The following TNK2 variants were observed in gnomAD, a reference collection of about 807,000 sequenced individuals.
The protein encoded by TNK2 is tyrosine kinase non receptor 2, also known as activated CDC42 kinase 1.
A neutral mutation model predicts 101.8 loss-of-function variants in TNK2; 83 were observed. The observed-to-expected ratio is 0.82, with a 90% CI of 0.68 to 0.98. The LOEUF (loss-of-function observed/expected upper bound fraction) is 0.98, where lower values mean the gene tolerates loss of function less well. TNK2 is among the 50% of genes least tolerant of loss of function. The pLI is 0.00. For synonymous variants in TNK2, 804 were observed against 633.0 expected, an observed-to-expected ratio of 1.27 and a Z score of -4.06; for missense variants, 1,665 against 1,483.2, an observed-to-expected ratio of 1.12 and a Z score of -2.01.
intron 15 of TNK2, among the ~76,000 whole-genome samples, chr3:195,866,324 C>A (rs1383915079): frequency 6.6e-6 from 1 of 152,132 alleles, no homozygotes; most frequent in Non-Finnish European, 1.5e-5. Flanking sequence ...CCTCAGCCTC[C>A]CCAGCAGGTG....
intron 12 of TNK2, 109 bp downstream of exon 12, chr3:195,869,388 C>T: frequency 1.9e-6 from 2 of 1,038,962 alleles, no homozygotes; most frequent in African/African-American, 1.6e-5. Flanking sequence ...AGCACACACC[C>T]ACCCACCTCC....
rs1470025096 is a variant in TNK2, at chr3:195,882,340, G to T, written c.610-12C>A. The T allele has an allele frequency of 4.4e-6, 7 of 1,607,900 alleles. No homozygotes were observed. Among genetic ancestry groups the T allele is most frequent in the Non-Finnish European group, 6.0e-6 (7 of 1,175,464 alleles). On this transcript the variant is annotated splice_polypyrimidine_tract_variant and intron_variant, in intron 5 of 15. Transcript: ENST00000672887. This position sits in a 1 kb window ranked among gnomAD's most constrained non-coding sequence, Gnocchi z 4.2. ...GCCAGCTCTGTCACCTGAGGCCACG[G>T]AGGAGGCAGGAGGAATGAGCTGGAG...
chr3:195,884,117 T>C (rs1454408278), intron 4 of TNK2: 1 of 152,152 alleles, frequency 6.6e-6, no homozygotes, highest in African/African-American at 2.4e-5. Flanking sequence ...ACGTTATCCC[T>C]GAGGGGAAAA....
At position 195,868,424 on chromosome 3, in the gene TNK2, C is replaced by T. The variant is rs779440042; in HGVS notation, c.1874G>A (p.Arg625Gln). Reference protein sequence around the residue: ...LDETPPQSPTRALPRPLHPTP... With the variant: ...LDETPPQSPTQALPRPLHPTP... ...GGGGTGCAGGGGCCGGGGCAGTGCC[C>T]GCGTGGGGCTCTGAGGCGGGGTCTC... Residue 625 changes from arginine to glutamine, a missense_variant, in exon 13 of 16, where the codon CGG becomes CAG. By Grantham distance (43) the Arg-to-Gln change is conservative (BLOSUM62 1). Coordinates refer to ENST00000672887, the MANE Select transcript of TNK2 (RefSeq NM_001382273.1). 53 of 1,568,694 alleles carry T rather than the reference C, an allele frequency of 3.4e-5. No individual in the cohort carries two copies. Among genetic ancestry groups the T allele is most frequent in the East Asian group, 3.2e-4 (14 of 44,148 alleles).
chr3:195,888,326 G>A lies in TNK2; in HGVS notation c.163+100C>T, dbSNP rs951988675. The A allele has an allele frequency of 4.5e-6, 6 of 1,324,310 alleles. No homozygotes were observed. The highest frequency in any genetic ancestry group is 1.3e-5 in the South Asian group (1 of 74,666). 82.0% of individuals were successfully genotyped at this position (1,324,310 alleles called of 1,614,324 possible). Reference sequence around the variant, plus strand: ...GTCCCTCCTGCTCCCTCAGGGCTCTGGGACAGAGTTCTCAGCTGCCACCCG... The same window carrying A: ...GTCCCTCCTGCTCCCTCAGGGCTCTAGGACAGAGTTCTCAGCTGCCACCCG... On this transcript the variant is annotated intron_variant, in intron 2 of 15. Coordinates refer to ENST00000672887, the MANE Select transcript of TNK2 (RefSeq NM_001382273.1). The surrounding 1 kb of genome is among the most constrained non-coding windows in gnomAD (Gnocchi z 5.3).
At chr3:195,894,370 G>C (rs558432741) in intron 1 of TNK2, 1 of 152,184 alleles carries the variant, frequency 6.6e-6, no homozygotes, top group Non-Finnish European at 1.5e-5. Flanking sequence ...CCAGCTGCGG[G>C]AAGAAGCAAA....
At chr3:195,905,307 C>T (rs915243372) in intron 1 of TNK2, among the ~76,000 whole-genome samples, 8 of 152,138 alleles carry the variant, frequency 5.3e-5, no homozygotes, top group Non-Finnish European at 1.2e-4. Flanking sequence ...TCATGCGATT[C>T]TCCTGACTCA....
At chr3:195,870,326 C>T in intron 10 of TNK2, 121 bp from the exon 11 acceptor site, 1 of 1,532,530 alleles carries the variant, frequency 6.5e-7, no homozygotes, top group Non-Finnish European at 8.8e-7. Context: ...AAGCACAGGC[C>T]TCCCGCCTCC....
At chr3:195,889,209 GA>G (rs1163948733) in intron 1 of TNK2, among the ~76,000 whole-genome samples, 4 of 152,116 alleles carry the variant, frequency 2.6e-5, no homozygotes, top group African/African-American at 9.7e-5. Flanking sequence ...AGACAGGAGG[GA>G]GGGGTGGGGC....
intron 1 of TNK2, chr3:195,896,150 G>A (rs1471300968): frequency 4.4e-6 from 2 of 455,166 alleles, no homozygotes; most frequent in Middle Eastern, 3.3e-4. Flanking sequence ...GCACTGGCGC[G>A]AGGCCATCGC....
intron 6 of TNK2, 169 bp from the exon 7 acceptor site, chr3:195,879,344 A>G (rs1364802041): frequency 1.1e-6 from 1 of 927,742 alleles, no homozygotes; most frequent in African/African-American, 1.7e-5. Flanking sequence ...TGACGACACG[A>G]TGCAGGGACT....
chr3:195,896,856 C>T (rs1260579500), intron 1 of TNK2: 3 of 152,302 alleles, frequency 2.0e-5, no homozygotes, highest in African/African-American at 7.2e-5. Context: ...ACCAGCCCAG[C>T]TCTGCTGTCC....
intron 11 of TNK2, 115 bp from the exon 12 acceptor site, chr3:195,869,656 T>A: frequency 2.9e-6 from 3 of 1,033,052 alleles, no homozygotes; most frequent in Non-Finnish European, 4.4e-6. Flanking sequence ...GAGAAGTGAA[T>A]GGGGGCGAGT....
chr3:195,879,369 A>AAGCCCAGGCCTCTTATTCACTTGC, intron 6 of TNK2, 194 bp from the exon 7 acceptor site: 1 of 718,504 alleles, frequency 1.4e-6, no homozygotes, highest in Non-Finnish European at 2.2e-6. Flanking sequence ...GAAATCGTCT[A>AAGCCCAGGCCTCTTATTCACTTGC]AGCCCAGGCC....
Position 195,867,625 on chromosome 3 carries a change from C to T in TNK2, c.2673G>A (p.Leu891=). ...PSYLERYQRF[L]REAQSPEEPT... is the part of the protein sequence containing the mutation. Reference sequence around the variant, plus strand: ...GCTCCTCGGGGCTCTGGGCCTCACGCAGGAAGCGCTGGTAGCGCTCCAGGT... The same window carrying T: ...GCTCCTCGGGGCTCTGGGCCTCACGTAGGAAGCGCTGGTAGCGCTCCAGGT... Residue 891 remains leucine, a synonymous_variant, in exon 13 of 16, where the codon CTG becomes CTA. Transcript: ENST00000672887. The T allele has an allele frequency of 1.3e-6, 2 of 1,599,894 alleles. No individual in the cohort carries two copies. Among genetic ancestry groups the T allele is most frequent in the Non-Finnish European group, 8.5e-7 (1 of 1,179,322 alleles).
In TNK2 at chr3:195,867,962, T is replaced by G; in HGVS notation, c.2336A>C (p.Glu779Ala). ...AGGTCCAGGCCACTGGCTGGTCTCC[T>G]CCTCGCCCGGGGGGGCTGGAGACAG... is the stretch of plus-strand genomic sequence containing the variant. ...VQLSPAPPGE[E>A]ETSQWPGPAS... Residue 779 changes from glutamate to alanine, a missense_variant, in exon 13 of 16, where the codon GAG becomes GCG. Around this residue, in one of 3 missense-constraint regions of TNK2, gnomAD observed 1,136 missense variants for 894.9 expected, o/e 1.27. Coordinates refer to ENST00000672887, the MANE Select transcript of TNK2 (RefSeq NM_001382273.1). 6.5e-7 allele frequency: 1 copy of G among 1,545,096 alleles called. No individual in the cohort carries two copies. Among genetic ancestry groups the G allele is most frequent in the Non-Finnish European group, 8.6e-7 (1 of 1,157,840 alleles).
At chr3:195,876,333 C>A (rs1227069672) in intron 9 of TNK2, 1 of 444,070 alleles carries the variant, frequency 2.3e-6, no homozygotes. Context: ...CACCAGGAAA[C>A]AAATACTGGA....
At position 195,884,870 on chromosome 3, in the gene TNK2, C is replaced by A. The variant is rs1433188046; in HGVS notation, c.398G>T (p.Gly133Val). 6.2e-7 allele frequency: 1 copy of A among 1,613,726 alleles called. No individual in the cohort carries two copies. The highest frequency in any genetic ancestry group is 8.5e-7 in the Non-Finnish European group (1 of 1,180,000). The part of the protein sequence containing the change: ...EKDLRLLEKL[G>V]DGSFGVVRRG... Reference sequence around the variant, plus strand: ...GCGCACCACGCCAAAGGAACCATCACCCAGCTTCTCCAGGAGGCGCAGGTC... The same window carrying A: ...GCGCACCACGCCAAAGGAACCATCAACCAGCTTCTCCAGGAGGCGCAGGTC... The change falls in exon 4 of 16, where the codon GGT becomes GTT. Residue 133 changes from glycine (G) to valine (V), a missense_variant. Physicochemically the swap from Gly to Val is moderately radical, Grantham distance 109. Transcript: ENST00000672887.
At chr3:195,876,531 T>G (rs754848391) in intron 9 of TNK2, 2 of 455,436 alleles carry the variant, frequency 4.4e-6, no homozygotes, top group Admixed American at 2.4e-5. Context: ...GGGGGCAGAG[T>G]CAAGCTCTGC....
Sources: gnomAD v4.1 joint callset for allele counts (sites outside exome capture counted in the v4.1 genomes callset) on GRCh38, gnomAD v4.1.1 for gene constraint, gnomAD v4.1.1 regional missense constraint, Gnocchi (gnomAD v3.1) non-coding constraint, MANE v1.5 for transcripts, NCBI Gene and HGNC (gene_info 2026-07-23, HGNC 2026-07-21) for gene names.